The following HIPK2 variants were observed in gnomAD, a reference collection of about 807,000 sequenced individuals.
The protein encoded by HIPK2 is homeodomain interacting protein kinase 2.
HIPK2 carries 27 observed loss-of-function variants against 113.7 expected under a neutral mutation model. That is an observed-to-expected ratio of 0.24 (90% CI 0.17 to 0.33). The LOEUF is 0.33. Ranked by LOEUF, HIPK2 falls within the 10% of genes least tolerant of loss-of-function variation. HIPK2 has a pLI of 1.00. For missense variants in HIPK2, 1,257 were observed against 1,588.0 expected (o/e 0.79, Z 3.54); for synonymous variants, 631 against 642.2 (o/e 0.98, Z 0.26).
At chr7:139,618,332 A>AT (rs1800125780) in intron 7 of HIPK2, among the ~76,000 whole-genome samples, 1 of 150,860 alleles carries the variant, frequency 6.6e-6, no homozygotes. Flanking sequence ...GTCCTGAGTA[A>AT]TTTTTTTTTC....
At chr7:139,768,696 C>T (rs1227058583) in intron 1 of HIPK2, among the ~76,000 whole-genome samples, 1 of 152,124 alleles carries the variant, frequency 6.6e-6, no homozygotes, top group Non-Finnish European at 1.5e-5. Flanking sequence ...TGCAAGGGGA[C>T]CACGAGAACC....
chr7:139,712,149 C>T (rs1242868226), intron 2 of HIPK2, among the ~76,000 whole-genome samples: 1 of 152,184 alleles, frequency 6.6e-6, no homozygotes, highest in Non-Finnish European at 1.5e-5. Flanking sequence ...AAGGGAATAC[C>T]CCTGCTTCAG....
chr7:139,583,851 G>A lies in HIPK2; in HGVS notation c.2931C>T (p.Ser977=), dbSNP rs528774935. 28 of 1,612,568 alleles carry A rather than the reference G, an allele frequency of 1.7e-5. No individual in the cohort carries two copies. The highest frequency in any genetic ancestry group is 2.2e-5 in the East Asian group (1 of 44,842). ...IIVPPLKTQA[S]EVLVECDSLV... is the part of the protein sequence containing the mutation. ...GGCTATCACACTCCACCAATACTTC[G>A]CTGGCCTGGGTTTTCAGGGGTGGCA... is the stretch of plus-strand genomic sequence containing the variant. The change falls in exon 13 of 15, where the codon AGC becomes AGT. Residue 977 remains serine (S), a synonymous_variant. Coordinates refer to ENST00000406875, the MANE Select transcript of HIPK2 (RefSeq NM_022740.5).
At chr7:139,699,227 C>T (rs1794642592) in intron 2 of HIPK2, among the ~76,000 whole-genome samples, 1 of 152,100 alleles carries the variant, frequency 6.6e-6, no homozygotes, top group African/African-American at 2.4e-5. Context: ...GCAGGGAGTA[C>T]ATCTCCTGAA....
chr7:139,660,363 T>A (rs1172586780), intron 2 of HIPK2, among the ~76,000 whole-genome samples: 3 of 152,244 alleles, frequency 2.0e-5, no homozygotes, highest in Non-Finnish European at 4.4e-5. Context: ...TGACCACAGC[T>A]GAATTCGCCT....
At chr7:139,690,833 C>T (rs905343918) in intron 2 of HIPK2, among the ~76,000 whole-genome samples, 1 of 152,172 alleles carries the variant, frequency 6.6e-6, no homozygotes, top group Non-Finnish European at 1.5e-5. Context: ...CAATCTTGAA[C>T]TTTTGCAGAC....
chr7:139,686,385 A>G lies in HIPK2; in HGVS notation c.1103+29547T>C, dbSNP rs538539377. On this transcript the variant is annotated intron_variant, in intron 2 of 14. Transcript: ENST00000406875. ...TGTGAATATTGTTGAAATGATAACA[A>G]AGGATTTAGAATATTTGATATGGTT... Among the ~76,000 whole-genome samples the G allele has an allele frequency of 1.5e-4, 23 of 152,336 alleles. No homozygotes were observed. The South Asian group carries it at 4.8e-3, about 32-fold the overall frequency.
chr7:139,703,834 T>C (rs1228045622), intron 2 of HIPK2, among the ~76,000 whole-genome samples: 746 of 49,360 alleles, frequency 0.015, no homozygotes, highest in Middle Eastern at 0.038. Flanking sequence ...CACATACACC[T>C]CCCCCACACC....
At position 139,565,183 on chromosome 7, in the gene HIPK2, A is replaced by T. The variant is rs1273685205; in HGVS notation, c.*7744T>A. 1 of 152,084 alleles carries T rather than the reference A, an allele frequency of 6.6e-6. No homozygotes were observed. 9.4% of individuals were successfully genotyped at this position (152,084 alleles called of 1,614,324 possible). ...CATTAGGTCACAGTTTGTGTAAGAT[A>T]ATGTATCTAAAACCTTCTAAAAAAA... On this transcript the variant is annotated 3_prime_UTR_variant, in exon 15 of 15. Coordinates refer to ENST00000406875, the MANE Select transcript of HIPK2 (RefSeq NM_022740.5).
At chr7:139,608,342 CAG>C (rs1382333817) in intron 9 of HIPK2, among the ~76,000 whole-genome samples, 3 of 140,232 alleles carry the variant, frequency 2.1e-5, no homozygotes, top group Non-Finnish European at 3.0e-5. Flanking sequence ...ATATATATAA[CAG>C]GGATAATATA....
intron 2 of HIPK2, among the ~76,000 whole-genome samples, chr7:139,712,627 C>T (rs767092661): frequency 2.0e-5 from 3 of 152,230 alleles, no homozygotes; most frequent in African/African-American, 4.8e-5. Flanking sequence ...GATGCAGATG[C>T]AGCTGAAAGC....
In HIPK2 at chr7:139,616,747, C is replaced by T. The variant is rs566050377; in HGVS notation, c.1783-2254G>A. ...TGCCTTACAGTACAGTTGGTCTTTC[C>T]AGCCTAAAGTCTCCTGGGAGGGAGG... On this transcript the variant is annotated intron_variant, in intron 7 of 14. Coordinates refer to ENST00000406875, the MANE Select transcript of HIPK2 (RefSeq NM_022740.5). Among the ~76,000 whole-genome samples the T allele has an allele frequency of 2.6e-5, 4 of 152,334 alleles. No individual in the cohort carries two copies. In the East Asian group the frequency reaches 7.7e-4, roughly 29 times the overall value.
At chr7:139,700,591 C>G (rs1484703944) in intron 2 of HIPK2, among the ~76,000 whole-genome samples, 1 of 152,254 alleles carries the variant, frequency 6.6e-6, no homozygotes, top group South Asian at 2.1e-4. Context: ...GAAATCTGCA[C>G]GTTTACAGTT....
intron 2 of HIPK2, among the ~76,000 whole-genome samples, chr7:139,674,927 C>T (rs140585253): frequency 1.5e-3 from 230 of 152,326 alleles, no homozygotes; most frequent in African/African-American, 5.3e-3. Flanking sequence ...TTCTCTGGAA[C>T]AGCCATCTCC....
chr7:139,710,538 A>G (rs1252766370), intron 2 of HIPK2, among the ~76,000 whole-genome samples: 1 of 152,220 alleles, frequency 6.6e-6, no homozygotes, highest in Non-Finnish European at 1.5e-5. Flanking sequence ...CAGTCTTGGC[A>G]GTTGGTTTGT....
At chr7:139,724,051 CT>C (rs1795496744) in intron 1 of HIPK2, among the ~76,000 whole-genome samples, 1 of 143,280 alleles carries the variant, frequency 7.0e-6, no homozygotes. Flanking sequence ...AGGATTAATT[CT>C]CATATTTAAT....
intron 2 of HIPK2, among the ~76,000 whole-genome samples, chr7:139,654,287 G>C (rs774989039): frequency 2.0e-5 from 3 of 152,166 alleles, no homozygotes; most frequent in Non-Finnish European, 4.4e-5. Flanking sequence ...TGAGGCAAAA[G>C]GATCGCTTGG....
At chr7:139,743,769 T>G (rs1333847949) in intron 1 of HIPK2, among the ~76,000 whole-genome samples, 1 of 152,246 alleles carries the variant, frequency 6.6e-6, no homozygotes, top group East Asian at 1.9e-4. Flanking sequence ...GGTTTAAGAC[T>G]CAGGATGCTG....
chr7:139,712,132 G>A (rs1275010944), intron 2 of HIPK2, among the ~76,000 whole-genome samples: 2 of 152,142 alleles, frequency 1.3e-5, no homozygotes, highest in Admixed American at 6.5e-5. Flanking sequence ...ACTGACCTTC[G>A]AATTGGAAGG....
Sources: allele counts gnomAD v4.1 joint callset (sites outside exome capture counted in the v4.1 genomes callset), GRCh38; gene constraint gnomAD v4.1.1; transcripts MANE v1.5; gene names NCBI Gene and HGNC (gene_info 2026-07-23, HGNC 2026-07-21).